The following SH3RF3 variants were observed in gnomAD, a reference collection of about 807,000 sequenced individuals.
SH3RF3 encodes E3 ubiquitin-protein ligase SH3RF3.
SH3RF3 carries 29 observed loss-of-function variants against 66.3 expected under a neutral mutation model. The observed-to-expected ratio is 0.44, with a 90% confidence interval of 0.33 to 0.60. The LOEUF (loss-of-function observed/expected upper bound fraction) is 0.60. Ranked by LOEUF, SH3RF3 falls within the 20% of genes least tolerant of loss-of-function variation. The probability of loss-of-function intolerance (pLI) is 0.04; values close to 1 mark genes in which losing one functional copy is unlikely to be tolerated. For missense variants in SH3RF3, 1,194 were observed against 1,190.9 expected (o/e 1.00, Z -0.04); for synonymous variants, 583 against 532.0 (o/e 1.10, Z -1.32).
chr2:109,298,834 C>T (rs1168794354), intron 1 of SH3RF3, among the ~76,000 whole-genome samples: 1 of 152,222 alleles, frequency 6.6e-6, no homozygotes. Flanking sequence ...CCTGTTTCTG[C>T]CCTTGCCCTA....
At chr2:109,313,573 C>T (rs566356425) in intron 1 of SH3RF3, 38 of 155,056 alleles carry the variant, frequency 2.5e-4, no homozygotes, top group African/African-American at 8.6e-4. Flanking sequence ...CAGATAGGGA[C>T]TGTCCTTGGC....
chr2:109,257,557 G>A (rs758164574), intron 1 of SH3RF3, among the ~76,000 whole-genome samples: 5 of 152,142 alleles, frequency 3.3e-5, no homozygotes, highest in African/African-American at 4.8e-5. Context: ...GCCCAAGTTC[G>A]TGGTGAGTGA....
Position 109,486,590 on chromosome 2 carries a change from C to T in SH3RF3, c.2149-4015C>T, listed in dbSNP as rs1048427181. On this transcript the variant is annotated intron_variant, in intron 8 of 9. Transcript: ENST00000309415. ...AAAAGCGCTCCTATAGCTGTCATCT[C>T]AGCAGCTCAGCGAGGCAGATGGTAC... 2.6e-5 allele frequency among the ~76,000 whole-genome samples: 4 copies of T among 152,212 alleles called. No homozygotes were observed. In the South Asian group the frequency reaches 8.3e-4, roughly 32 times the overall value.
At chr2:109,414,685 C>G (rs1280934283) in intron 4 of SH3RF3, among the ~76,000 whole-genome samples, 2 of 152,202 alleles carry the variant, frequency 1.3e-5, no homozygotes, top group African/African-American at 4.8e-5. Flanking sequence ...TACCAGCACC[C>G]TCATCATCCA....
chr2:109,250,356 A>G (rs925929799), intron 1 of SH3RF3, among the ~76,000 whole-genome samples: 1 of 152,120 alleles, frequency 6.6e-6, no homozygotes, highest in Non-Finnish European at 1.5e-5. Context: ...AGTCTCCATC[A>G]GCTCTGAATT....
intron 1 of SH3RF3, among the ~76,000 whole-genome samples, chr2:109,239,025 A>G (rs1461357646): frequency 1.3e-5 from 2 of 152,210 alleles, no homozygotes; most frequent in Admixed American, 6.5e-5. Flanking sequence ...ACAATGTTAA[A>G]TGTAATAAAA....
At chr2:109,448,343 C>G (rs983394287) in intron 7 of SH3RF3, among the ~76,000 whole-genome samples, 4 of 152,214 alleles carry the variant, frequency 2.6e-5, no homozygotes, top group African/African-American at 9.7e-5. Flanking sequence ...TCCCCAGCCT[C>G]CAAGCCACAG....
At chr2:109,236,394 G>T (rs1450560985) in intron 1 of SH3RF3, among the ~76,000 whole-genome samples, 5 of 152,134 alleles carry the variant, frequency 3.3e-5, no homozygotes, top group Non-Finnish European at 7.3e-5. Flanking sequence ...CCATGTCATT[G>T]GAGTAAGCTG....
At chr2:109,286,327 A>G (rs1189717109) in intron 1 of SH3RF3, among the ~76,000 whole-genome samples, 1 of 152,162 alleles carries the variant, frequency 6.6e-6, no homozygotes, top group Non-Finnish European at 1.5e-5. Context: ...TGTAAGAAGA[A>G]TGAAGGTGTG....
In SH3RF3 at chr2:109,152,801, G is replaced by A. The variant is rs574204785; in HGVS notation, c.573+22688G>A. Among the ~76,000 whole-genome samples the A allele has an allele frequency of 1.5e-3, 228 of 152,316 alleles. 1 individual carries two copies. The highest frequency in any genetic ancestry group is 4.6e-3 in the African/African-American group (190 of 41,574). Reference sequence around the variant, plus strand: ...AGGCCCGATGGCCTGATGGTGGGGTGCCTATCACCGTCTCTCACATGGGCC... The same window carrying A: ...AGGCCCGATGGCCTGATGGTGGGGTACCTATCACCGTCTCTCACATGGGCC... On this transcript the variant is annotated intron_variant, in intron 1 of 9. Coordinates refer to ENST00000309415, the MANE Select transcript of SH3RF3 (RefSeq NM_001099289.3).
chr2:109,214,609 G>A (rs1341175253), intron 1 of SH3RF3, among the ~76,000 whole-genome samples: 1 of 152,080 alleles, frequency 6.6e-6, no homozygotes, highest in Non-Finnish European at 1.5e-5. Context: ...AATCCTTTTT[G>A]AGGAGGACAT....
At position 109,146,897 on chromosome 2, in the gene SH3RF3, C is replaced by A. The variant is rs1015011783; in HGVS notation, c.573+16784C>A. 4.1e-4 allele frequency among the ~76,000 whole-genome samples: 35 copies of A among 85,952 alleles called. 1 individual carries two copies. The highest frequency in any genetic ancestry group is 0.011 in the Middle Eastern group (2 of 188). The allele number at this position is 85,952 out of a possible 152,430, so 56.4% of individuals were successfully genotyped here. A position where few individuals can be genotyped will look rare whatever the true frequency, so the allele number is the denominator to read the frequency against. The stretch of plus-strand genomic sequence containing the variant: ...CTTCTTTTTTCCCTCCCCCCCCCCC[C>A]CCCCGCCCCAATATCCTATGAAGGC... On this transcript the variant is annotated intron_variant, in intron 1 of 9. Transcript: ENST00000309415.
At position 109,130,198 on chromosome 2, in the gene SH3RF3, C is replaced by A. The variant is rs542114802; in HGVS notation, c.573+85C>A. The A allele has an allele frequency of 6.4e-4, 761 of 1,184,738 alleles. 2 individuals carry two copies. Among genetic ancestry groups the A allele is most frequent in the Admixed American group, 7.7e-4 (18 of 23,384 alleles). The allele number at this position is 1,184,738 out of a possible 1,614,324, so 73.4% of individuals were successfully genotyped here. A position where few individuals can be genotyped will look rare whatever the true frequency, so the allele number is the denominator to read the frequency against. On this transcript the variant is annotated intron_variant, in intron 1 of 9. Coordinates refer to ENST00000309415, the MANE Select transcript of SH3RF3 (RefSeq NM_001099289.3). ...GGGCGTGGGGGGCAGTGATGAGGTGCGGAGGAGACCACGGGTGGTCCTGCG... is the reference window on the plus strand; with the variant it reads ...GGGCGTGGGGGGCAGTGATGAGGTGAGGAGGAGACCACGGGTGGTCCTGCG...
chr2:109,281,406 C>G (rs1032274983), intron 1 of SH3RF3, among the ~76,000 whole-genome samples: 8 of 152,222 alleles, frequency 5.3e-5, no homozygotes, highest in Admixed American at 5.2e-4. Flanking sequence ...GCCGATGTGA[C>G]AGTCTCAGAG....
At chr2:109,211,415 C>A in intron 1 of SH3RF3, among the ~76,000 whole-genome samples, 1 of 152,142 alleles carries the variant, frequency 6.6e-6, no homozygotes, top group Non-Finnish European at 1.5e-5. Context: ...GCAGGGAAGC[C>A]CTGGCGAGGT....
chr2:109,346,274 G>A (rs1449292328), intron 1 of SH3RF3, among the ~76,000 whole-genome samples: 1 of 152,144 alleles, frequency 6.6e-6, no homozygotes, highest in African/African-American at 2.4e-5. Flanking sequence ...TTGCCAGCAG[G>A]CTCTCTCTTA....
chr2:109,192,754 A>G (rs1024567740), intron 1 of SH3RF3, among the ~76,000 whole-genome samples: 2 of 152,248 alleles, frequency 1.3e-5, no homozygotes, highest in Non-Finnish European at 2.9e-5. Context: ...CTTCCAGTGC[A>G]GCCACCCATG....
rs114648320 is a variant in SH3RF3, at chr2:109,315,062, C to T, written c.574-32612C>T. On this transcript the variant is annotated intron_variant, in intron 1 of 9. Transcript: ENST00000309415. ...GCGACCACATTGAAGAGCCCATACA[C>T]GACACGTTTCCATCAGTGCAGAAAG... Among the ~76,000 whole-genome samples, 277 of 152,366 alleles carry T rather than the reference C, an allele frequency of 1.8e-3. 1 individual carries two copies. Among genetic ancestry groups the T allele is most frequent in the African/African-American group, 6.2e-3 (257 of 41,586 alleles).
At chr2:109,203,319 C>T (rs910669723) in intron 1 of SH3RF3, among the ~76,000 whole-genome samples, 2 of 152,228 alleles carry the variant, frequency 1.3e-5, no homozygotes, top group Admixed American at 6.5e-5. Context: ...ACGCAGCAGA[C>T]AGTGGCGCAG....
Sources: allele counts gnomAD v4.1 joint callset (sites outside exome capture counted in the v4.1 genomes callset), GRCh38; gene constraint gnomAD v4.1.1; transcripts MANE v1.5; gene names NCBI Gene and HGNC (gene_info 2026-07-23, HGNC 2026-07-21).